RHBG: variants seen among roughly 807,000 people sequenced by gnomAD.
The protein encoded by RHBG is Rh family B glycoprotein, also known as ammonium transporter Rh type B.
In RHBG, 39 loss-of-function variants were observed where a neutral mutation model predicts 40.1. The observed-to-expected ratio is 0.97, with a 90% CI of 0.75 to 1.27. The LOEUF (loss-of-function observed/expected upper bound fraction) is 1.27. Among genes scored for constraint, RHBG ranks in the 50% most tolerant of loss-of-function variants. The pLI is 0.00. For synonymous variants in RHBG, 237 were observed against 252.5 expected, an observed-to-expected ratio of 0.94 and a Z score of 0.58; for missense variants, 549 against 588.1, an observed-to-expected ratio of 0.93 and a Z score of 0.69.
chr1:156,382,401 G>A, intron 7 of RHBG, 200 bp downstream of exon 7: 1 of 695,156 alleles, frequency 1.4e-6, no homozygotes, highest in Non-Finnish European at 2.4e-6. Context: ...GAAGGTCATG[G>A]AACAAATGAC....
Position 156,382,679 on chromosome 1 carries a change from A to G in RHBG, c.1113-69A>G, listed in dbSNP as rs1050865876. ...CAGTGTGAGTTCCAGTGCCATGAGC[A>G]GCCCTGGCCCCGGGCTGCATCCCTC... On this transcript the variant is annotated intron_variant, in intron 7 of 9. Transcript: ENST00000537040. 2.2e-5 allele frequency: 35 copies of G among 1,581,960 alleles called. No individual in the cohort carries two copies. The Admixed American group carries it at 5.9e-4, about 27-fold the overall frequency.
rs746856284 is a variant in RHBG, at chr1:156,381,796, C to T, written c.841-10C>T. ...CTGAAAGGGCCTCCAACACCTTGCTCTTCCCTTAGGTCCACATCCAAAATG... is the reference window on the plus strand; with the variant it reads ...CTGAAAGGGCCTCCAACACCTTGCTTTTCCCTTAGGTCCACATCCAAAATG... On this transcript the variant is annotated splice_polypyrimidine_tract_variant and intron_variant, in intron 5 of 9. Coordinates refer to ENST00000537040, the MANE Select transcript of RHBG (RefSeq NM_020407.5). 2.5e-6 allele frequency: 4 copies of T among 1,578,754 alleles called. No homozygotes were observed. In the South Asian group the frequency reaches 3.5e-5, roughly 14 times the overall value.
intron 4 of RHBG, 69 bp downstream of exon 4, chr1:156,378,468 C>T: frequency 3.3e-6 from 5 of 1,511,530 alleles, no homozygotes; most frequent in Non-Finnish European, 4.4e-6. Context: ...CCAGAGGTGA[C>T]TGTCTCTCGG....
In RHBG at chr1:156,377,572, A is replaced by G; in HGVS notation, c.374+85A>G. 3 of 1,406,084 alleles carry G rather than the reference A, an allele frequency of 2.1e-6. No homozygotes were observed. The highest frequency in any genetic ancestry group is 2.7e-5 in the South Asian group (2 of 75,012). The allele number at this position is 1,406,084 out of a possible 1,614,324, so 87.1% of individuals were successfully genotyped here. A position where few individuals can be genotyped will look rare whatever the true frequency, so the allele number is the denominator to read the frequency against. ...GCCCCGGATCTAGCCCTGTCCTTCA[A>G]GTCTGCTTCCTGACTCACGATTCTG... On this transcript the variant is annotated intron_variant, in intron 2 of 9. Coordinates refer to ENST00000537040, the MANE Select transcript of RHBG (RefSeq NM_020407.5). The surrounding 1 kb of genome is among the most constrained non-coding windows in gnomAD (Gnocchi z 4.6).
In RHBG at chr1:156,369,570, G is replaced by GA. The variant is rs1666704455; in HGVS notation, c.187+134_187+135insA. 25 of 988,828 alleles carry GA rather than the reference G, an allele frequency of 2.5e-5. No individual in the cohort carries two copies. The South Asian group carries it at 4.3e-4, about 17-fold the overall frequency. 61.3% of individuals were successfully genotyped at this position (988,828 alleles called of 1,614,324 possible). On this transcript the variant is annotated intron_variant, in intron 1 of 9. Coordinates refer to ENST00000537040, the MANE Select transcript of RHBG (RefSeq NM_020407.5). ...TCTCGCTCTGAGGTGGAGGGGCTCT[G>GA]GGTTTAAAATCTCACCCTTTCACTA... is the stretch of plus-strand genomic sequence containing the variant.
chr1:156,369,444 C>CG lies in RHBG; in HGVS notation c.187+12dup, dbSNP rs777092403. On this transcript the variant is annotated intron_variant, in intron 1 of 9. Coordinates refer to ENST00000537040, the MANE Select transcript of RHBG (RefSeq NM_020407.5). ...TTTACTTTCGCTACCCAAGTGAGTG[C>CG]GGGGTGAGGGCGCGCGGGAAGCAAA... is the stretch of plus-strand genomic sequence containing the variant. 1.2e-6 allele frequency: 2 copies of CG among 1,601,612 alleles called. No individual in the cohort carries two copies. The highest frequency in any genetic ancestry group is 3.4e-5 in the Admixed American group (2 of 58,666).
chr1:156,377,363 C>T lies in RHBG; in HGVS notation c.250C>T (p.Arg84Cys), dbSNP rs375817267. The T allele has an allele frequency of 1.7e-5, 27 of 1,614,158 alleles. No homozygotes were observed. The highest frequency in any genetic ancestry group is 5.3e-5 in the African/African-American group (4 of 75,064). ...GFGFLMVFLQ[R>C]YGFSSVGFTF... is the part of the protein sequence containing the mutation. ...TGGCTTCCTCATGGTCTTCCTGCAG[C>T]GTTACGGCTTCAGCAGCGTGGGCTT... The change falls in exon 2 of 10, where the codon CGT becomes TGT. Residue 84 changes from arginine (R) to cysteine (C), a missense_variant. Arg to Cys is a radical substitution (Grantham distance 180). This residue lies in a region of RHBG where 51 missense variants were observed against 85.9 expected (regional missense o/e 0.59). Coordinates refer to ENST00000537040, the MANE Select transcript of RHBG (RefSeq NM_020407.5). This position sits in a 1 kb window ranked among gnomAD's most constrained non-coding sequence, Gnocchi z 4.6.
rs1167956898 is a variant in RHBG, at chr1:156,369,247, C to A, written c.-3C>A. 1 of 1,612,214 alleles carries A rather than the reference C, an allele frequency of 6.2e-7. No homozygotes were observed. The highest frequency in any genetic ancestry group is 1.7e-5 in the Admixed American group (1 of 59,910). On this transcript the variant is annotated 5_prime_UTR_variant, in exon 1 of 10. Coordinates refer to ENST00000537040, the MANE Select transcript of RHBG (RefSeq NM_020407.5). ...AGCGCCAGCCGAGATCGCAGCCCAA[C>A]CCATGGCCGGGTCTCCTAGCCGCGC... is the stretch of plus-strand genomic sequence containing the variant.
chr1:156,372,180 G>A (rs1319814305), intron 1 of RHBG, among the ~76,000 whole-genome samples: 2 of 152,206 alleles, frequency 1.3e-5, no homozygotes, highest in African/African-American at 4.8e-5. Flanking sequence ...CTGAGGGTCC[G>A]TCTGTTTTCT....
chr1:156,383,235 T>TC (rs1269465345), intron 8 of RHBG, among the ~76,000 whole-genome samples: 1 of 152,092 alleles, frequency 6.6e-6, no homozygotes, highest in African/African-American at 2.4e-5. Context: ...GCCTGCCACT[T>TC]CCAGACCCCA....
intron 1 of RHBG, among the ~76,000 whole-genome samples, chr1:156,374,146 G>T (rs959750272): frequency 3.3e-5 from 5 of 152,116 alleles, no homozygotes; most frequent in African/African-American, 1.2e-4. Flanking sequence ...GACTCTTATA[G>T]GAGCGCGAAC....
chr1:156,382,648 G>C, intron 7 of RHBG, 100 bp from the exon 8 acceptor site: 1 of 1,454,674 alleles, frequency 6.9e-7, no homozygotes, highest in Non-Finnish European at 9.5e-7. Context: ...GCCACTTCCT[G>C]TTCCCCAGTG....
chr1:156,369,572 GTTTAAAATCT>G lies in RHBG; in HGVS notation c.187+137_187+146del, dbSNP rs1666704954. The G allele has an allele frequency of 2.7e-5, 26 of 955,240 alleles. No individual in the cohort carries two copies. In the South Asian group the frequency reaches 4.4e-4, roughly 16 times the overall value. 59.2% of individuals were successfully genotyped at this position (955,240 alleles called of 1,614,324 possible). On this transcript the variant is annotated intron_variant, in intron 1 of 9. Coordinates refer to ENST00000537040, the MANE Select transcript of RHBG (RefSeq NM_020407.5). Reference sequence around the variant, plus strand: ...TCGCTCTGAGGTGGAGGGGCTCTGGGTTTAAAATCTCACCCTTTCACTAGTGCCTGCTATG... The same window carrying G: ...TCGCTCTGAGGTGGAGGGGCTCTGGGCACCCTTTCACTAGTGCCTGCTATG...
Position 156,377,795 on chromosome 1 carries a change from C to T in RHBG, c.375-195C>T, listed in dbSNP as rs75420452. Among the ~76,000 whole-genome samples, 733 of 152,256 alleles carry T rather than the reference C, an allele frequency of 4.8e-3. 5 individuals carry two copies. The highest frequency in any genetic ancestry group is 9.0e-3 in the Non-Finnish European group (614 of 68,012). ...TGAGTCACAGAACCTCCTTGAGACT[C>T]GACTTCCTCATCTACAAACAGGGCC... is the stretch of plus-strand genomic sequence containing the variant. On this transcript the variant is annotated intron_variant, in intron 2 of 9. Coordinates refer to ENST00000537040, the MANE Select transcript of RHBG (RefSeq NM_020407.5). The surrounding 1 kb of genome is among the most constrained non-coding windows in gnomAD (Gnocchi z 4.6).
rs537105074 is a variant in RHBG at position 156,378,315 on chromosome 1, T to C, written c.589T>C (p.Ser197Pro). Residue 197 changes from serine (S) to proline (P), a missense_variant, in exon 4 of 10, where the codon TCG becomes CCG. By Grantham distance (74) the Ser-to-Pro change is moderately conservative. Coordinates refer to ENST00000537040, the MANE Select transcript of RHBG (RefSeq NM_020407.5). ...TFGAYFGLVL[S>P]RVLYRPQLEK... ...TGGTGCCTACTTCGGGCTCGTCCTT[T>C]CGCGGGTTCTGTACAGGCCCCAGCT... 5.0e-6 allele frequency: 8 copies of C among 1,614,094 alleles called. No homozygotes were observed. In the Admixed American group the frequency reaches 1.0e-4, roughly 20 times the overall value.
chr1:156,380,725 C>CA (rs564713959), intron 4 of RHBG, among the ~76,000 whole-genome samples: 5,855 of 81,566 alleles, frequency 0.072, 259 homozygotes, highest in African/African-American at 0.12. Flanking sequence ...GACCTTGTCT[C>CA]AAAAAAAAAA....
intron 7 of RHBG, 97 bp downstream of exon 7, chr1:156,382,298 T>G: frequency 1.3e-6 from 2 of 1,536,848 alleles, no homozygotes; most frequent in African/African-American, 1.4e-5. Context: ...AAGAATGAAT[T>G]CATTCATTCA....
rs1459781766 is a variant in RHBG at position 156,381,954 on chromosome 1, C to T, written c.978+11C>T. ...TACAAGTTCTTCACGGTATAGATGC[C>T]TCTTGGAGCCTGGGCAGAACATGGA... On this transcript the variant is annotated intron_variant, in intron 6 of 9. Coordinates refer to ENST00000537040, the MANE Select transcript of RHBG (RefSeq NM_020407.5). 3.1e-6 allele frequency: 5 copies of T among 1,610,940 alleles called. No homozygotes were observed. The highest frequency in any genetic ancestry group is 1.7e-5 in the Admixed American group (1 of 58,618).
chr1:156,370,063 A>C (rs1258064446), intron 1 of RHBG, among the ~76,000 whole-genome samples: 1 of 152,188 alleles, frequency 6.6e-6, no homozygotes, highest in Non-Finnish European at 1.5e-5. Flanking sequence ...TCACACCTGT[A>C]ATCCCAGCAT....
Sources: allele counts gnomAD v4.1 joint callset (sites outside exome capture counted in the v4.1 genomes callset), GRCh38; gene constraint gnomAD v4.1.1; regional missense constraint gnomAD v4.1.1; non-coding constraint Gnocchi (gnomAD v3.1); transcripts MANE v1.5; gene names NCBI Gene and HGNC (gene_info 2026-07-23, HGNC 2026-07-21).